POLN: variants seen among roughly 807,000 people sequenced by gnomAD.
POLN encodes DNA polymerase nu, also known as DNA polymerase N.
Under a neutral mutation model 113.5 loss-of-function variants are expected in POLN, and 108 were observed. That is an observed-to-expected ratio of 0.95 (90% CI 0.81 to 1.12). The LOEUF is 1.12. Among genes scored for constraint, POLN ranks in the 50% most tolerant of loss-of-function variants. POLN has a pLI of 0.00. For missense variants in POLN, 1,097 were observed against 1,077.1 expected (o/e 1.02, Z -0.26); for synonymous variants, 386 against 391.5 (o/e 0.99, Z 0.17).
chr4:2,189,303 T>C (rs115280049), intron 7 of POLN, among the ~76,000 whole-genome samples: 83 of 152,328 alleles, frequency 5.4e-4, no homozygotes, highest in African/African-American at 1.8e-3. Context: ...CAGACTTACA[T>C]AGAATAAAAG....
chr4:2,241,342 T>C (rs990395634), intron 2 of POLN, among the ~76,000 whole-genome samples, 178 bp downstream of exon 2: 1 of 152,164 alleles, frequency 6.6e-6, no homozygotes, highest in African/African-American at 2.4e-5. Context: ...TTTCCAAAGA[T>C]AAAATGGTTT....
chr4:2,078,333 G>T (rs1007608626), intron 23 of POLN, among the ~76,000 whole-genome samples: 1 of 152,252 alleles, frequency 6.6e-6, no homozygotes, highest in African/African-American at 2.4e-5. Context: ...AACCTCTCTG[G>T]TCTTTTTAGG....
Position 2,088,835 on chromosome 4 carries a change from T to C in POLN, c.2066-3091A>G, listed in dbSNP as rs151336882. On this transcript the variant is annotated intron_variant, in intron 20 of 25. Transcript: ENST00000511885. ...TTCTTTGTCCTTTACATCTTGAACT[T>C]GTCTACTATAAAGAAAAGTCTTACA... 3.6e-3 allele frequency: 5,207 copies of C among 1,465,636 alleles called. 175 individuals carry two copies. The African/African-American group carries it at 0.061, about 17-fold the overall frequency. 90.8% of individuals were successfully genotyped at this position (1,465,636 alleles called of 1,614,324 possible).
intron 19 of POLN, among the ~76,000 whole-genome samples, chr4:2,101,822 T>C (rs909604356): frequency 3.3e-5 from 5 of 152,162 alleles, no homozygotes; most frequent in African/African-American, 1.2e-4. Context: ...TCGTTGAAAG[T>C]AGGCACTTCC....
At chr4:2,081,574 G>A (rs568397882) in intron 22 of POLN, 59 bp downstream of exon 22, 23 of 1,533,254 alleles carry the variant, frequency 1.5e-5, no homozygotes, top group Admixed American at 5.1e-5. Context: ...CCAGCCCTGC[G>A]GCTGCTAAAA....
intron 7 of POLN, among the ~76,000 whole-genome samples, chr4:2,184,098 C>A (rs1733211618): frequency 6.6e-6 from 1 of 151,010 alleles, no homozygotes; most frequent in Non-Finnish European, 1.5e-5. Context: ...AGGTGATCCA[C>A]TCGTCTCCGC....
chr4:2,146,213 G>A (rs971126818), intron 16 of POLN, among the ~76,000 whole-genome samples: 4 of 152,100 alleles, frequency 2.6e-5, no homozygotes, highest in African/African-American at 4.8e-5. Context: ...GGCTTTAAAT[G>A]TTGTCAAGTA....
chr4:2,239,248 A>G (rs1734883453), intron 2 of POLN, among the ~76,000 whole-genome samples: 1 of 152,212 alleles, frequency 6.6e-6, no homozygotes, highest in Admixed American at 6.5e-5. Flanking sequence ...TTTTACTGCT[A>G]TTACTACCAT....
intron 8 of POLN, among the ~76,000 whole-genome samples, chr4:2,178,893 T>C (rs922031673): frequency 6.6e-6 from 1 of 152,198 alleles, no homozygotes; most frequent in Non-Finnish European, 1.5e-5. Flanking sequence ...ATTACAGGCA[T>C]GAGCTGCTGC....
Position 2,075,512 on chromosome 4 carries a change from C to A in POLN, c.2395G>T (p.Ala799Ser). 3.1e-6 allele frequency: 5 copies of A among 1,613,302 alleles called. No homozygotes were observed. The highest frequency in any genetic ancestry group is 4.2e-6 in the Non-Finnish European group (5 of 1,179,934). Residue 799 changes from alanine to serine, a missense_variant, in exon 24 of 26, where the codon GCC (alanine) becomes TCC (serine). By Grantham distance (99) the Ala-to-Ser change is moderately conservative. Coordinates refer to ENST00000511885, the MANE Select transcript of POLN (RefSeq NM_181808.4). The part of the protein sequence containing the change: ...ASHTLTARLV[A>S]QIHDELLFEV... The stretch of plus-strand genomic sequence containing the variant: ...AACAGCAGCTCATCATGGATCTGGG[C>A]CACCAGCCTGGCAGGGAGGGAAGGA...
At chr4:2,123,230 T>C (rs1054569869) in intron 19 of POLN, among the ~76,000 whole-genome samples, 1 of 152,198 alleles carries the variant, frequency 6.6e-6, no homozygotes, top group African/African-American at 2.4e-5. Flanking sequence ...GGTTCACACC[T>C]GTAATCTCAG....
In POLN at chr4:2,126,958, C is replaced by T. The variant is rs1479952199; in HGVS notation, c.1982+1155G>A. ...GCATGGGGAGGGGAGTGCAGGGGGCCGGCCTAGTGAGGGGCTGAAGGACAG... is the reference window on the plus strand; with the variant it reads ...GCATGGGGAGGGGAGTGCAGGGGGCTGGCCTAGTGAGGGGCTGAAGGACAG... On this transcript the variant is annotated intron_variant, in intron 19 of 25. Coordinates refer to ENST00000511885, the MANE Select transcript of POLN (RefSeq NM_181808.4). The surrounding 1 kb of genome is among the most constrained non-coding windows in gnomAD (Gnocchi z 4.6). 1.3e-5 allele frequency among the ~76,000 whole-genome samples: 2 copies of T among 151,996 alleles called. No individual in the cohort carries two copies. The highest frequency in any genetic ancestry group is 2.9e-5 in the Non-Finnish European group (2 of 67,966).
chr4:2,088,719 T>C (rs539986327), intron 20 of POLN: 436 of 1,130,276 alleles, frequency 3.9e-4, no homozygotes, highest in Admixed American at 7.7e-4. Flanking sequence ...TACTATTCTC[T>C]AGTAAATGCT....
Position 2,179,320 on chromosome 4 carries a change from T to C in POLN, c.1167A>G (p.Ser389=). 3 of 1,611,796 alleles carry C rather than the reference T, an allele frequency of 1.9e-6. No individual in the cohort carries two copies. Among genetic ancestry groups the C allele is most frequent in the Non-Finnish European group, 2.5e-6 (3 of 1,178,834 alleles). Residue 389 remains serine, a synonymous_variant, in exon 8 of 26, where the codon TCA becomes TCG. Coordinates refer to ENST00000511885, the MANE Select transcript of POLN (RefSeq NM_181808.4). ...VKVNSTYGNS[S]RNIVNQNVRE... Reference sequence around the variant, plus strand: ...TTAAACAACTCACCACAATATTTCTTGAGGAATTTCCATATGTGCTGTTCA... The same window carrying C: ...TTAAACAACTCACCACAATATTTCTCGAGGAATTTCCATATGTGCTGTTCA...
chr4:2,124,252 T>C (rs1166584029), intron 19 of POLN, among the ~76,000 whole-genome samples: 1 of 152,082 alleles, frequency 6.6e-6, no homozygotes, highest in Non-Finnish European at 1.5e-5. Flanking sequence ...ATCGAAATGT[T>C]CTGGAATTAG....
chr4:2,186,661 C>A (rs7674782), intron 7 of POLN, among the ~76,000 whole-genome samples: 37,497 of 152,042 alleles, frequency 0.25, 7,135 homozygotes, highest in African/African-American at 0.51. Flanking sequence ...ACAAACCAGA[C>A]AGAGAAGATT....
intron 20 of POLN, among the ~76,000 whole-genome samples, chr4:2,091,728 A>G (rs1730666614): frequency 6.6e-6 from 1 of 151,614 alleles, no homozygotes; most frequent in Non-Finnish European, 1.5e-5. Context: ...CTTCCCACAG[A>G]CGGCTAACCC....
intron 7 of POLN, among the ~76,000 whole-genome samples, chr4:2,180,498 T>G (rs34438438): frequency 6.6e-6 from 1 of 152,338 alleles, no homozygotes; most frequent in East Asian, 1.9e-4. Flanking sequence ...CTAAGAGATT[T>G]ATATTTACCA....
chr4:2,144,769 C>T (rs897360992), intron 16 of POLN, among the ~76,000 whole-genome samples: 1 of 152,102 alleles, frequency 6.6e-6, no homozygotes, highest in African/African-American at 2.4e-5. Context: ...TAGCGATTAC[C>T]TATCAACTGG....
Sources: gnomAD v4.1 joint callset for allele counts (sites outside exome capture counted in the v4.1 genomes callset) on GRCh38, gnomAD v4.1.1 for gene constraint, Gnocchi (gnomAD v3.1) non-coding constraint, MANE v1.5 for transcripts, NCBI Gene and HGNC (gene_info 2026-07-23, HGNC 2026-07-21) for gene names.